Variants in MAST2 observed in about 807,000 individuals in gnomAD.
MAST2 encodes microtubule associated serine/threonine kinase 2, also known as microtubule-associated serine/threonine-protein kinase 2.
Under a neutral mutation model 147.4 loss-of-function variants are expected in MAST2, and 70 were observed. That is an observed-to-expected ratio of 0.47 (90% confidence interval 0.39 to 0.58). The LOEUF is 0.58. Ranked by LOEUF, MAST2 falls within the 20% of genes least tolerant of loss-of-function variation. MAST2 has a pLI of 0.00. For synonymous variants in MAST2, 869 were observed against 896.8 expected, an observed-to-expected ratio of 0.97 and a Z score of 0.55; for missense variants, 2,080 against 2,302.3, an observed-to-expected ratio of 0.90 and a Z score of 1.98.
At chr1:45,808,697 T>G (rs992397826) in intron 1 of MAST2, among the ~76,000 whole-genome samples, 1 of 152,234 alleles carries the variant, frequency 6.6e-6, no homozygotes, top group Admixed American at 6.5e-5. Context: ...CTTCAGTCTC[T>G]TAACCTCTAA....
At chr1:46,034,324 G>A in intron 28 of MAST2, 58 bp downstream of exon 28, 1 of 1,527,934 alleles carries the variant, frequency 6.5e-7, no homozygotes. Flanking sequence ...AAGTTCCTAG[G>A]CCCTGTGTGC....
At position 45,821,281 on chromosome 1, in the gene MAST2, A is replaced by G. The variant is rs75484718; in HGVS notation, c.178-3152A>G. ...CATCCTACTCACTTCTGGACTCCAC[A>G]GTTCTGATGAGATATGAGCTGTTCG... On this transcript the variant is annotated intron_variant, in intron 1 of 28. Coordinates refer to ENST00000361297, the MANE Select transcript of MAST2 (RefSeq NM_015112.3). Among the ~76,000 whole-genome samples, 11 of 152,196 alleles carry G rather than the reference A, an allele frequency of 7.2e-5. No homozygotes were observed. The East Asian group carries it at 2.1e-3, about 29-fold the overall frequency.
rs751340393 is a variant in MAST2 at position 46,035,869 on chromosome 1, G to A, written c.5200G>A (p.Ala1734Thr). ...GCTATGGGAGTCTGAGTGTGCACAA[G>A]CAGTGAAAGAGGATCCAGCCCTGAG... is the stretch of plus-strand genomic sequence containing the variant. ...GWLWESECAQ[A>T]VKEDPALSIT... is the part of the protein sequence containing the mutation. Residue 1734 changes from alanine (A) to threonine (T), a missense_variant, in exon 29 of 29, where the codon GCA (alanine) becomes ACA (threonine). By Grantham distance (58) the Ala-to-Thr change is moderately conservative (BLOSUM62 0). Coordinates refer to ENST00000361297, the MANE Select transcript of MAST2 (RefSeq NM_015112.3). The surrounding 1 kb of genome is among the most constrained non-coding windows in gnomAD (Gnocchi z 5.5). 91 of 1,613,996 alleles carry A rather than the reference G, an allele frequency of 5.6e-5. No individual in the cohort carries two copies. The South Asian group carries it at 9.9e-4, about 18-fold the overall frequency.
At chr1:45,898,124 C>T (rs913880819) in intron 4 of MAST2, among the ~76,000 whole-genome samples, 12 of 151,648 alleles carry the variant, frequency 7.9e-5, no homozygotes, top group African/African-American at 2.2e-4. Context: ...AACAAACAAA[C>T]GAAACCAAAA....
chr1:45,804,719 A>G (rs894128313), intron 1 of MAST2, among the ~76,000 whole-genome samples: 4 of 152,254 alleles, frequency 2.6e-5, no homozygotes, highest in African/African-American at 9.6e-5. Context: ...ACAGCAGCAT[A>G]CAAATATTCA....
At chr1:45,944,205 C>T (rs1398078620) in intron 4 of MAST2, among the ~76,000 whole-genome samples, 6 of 152,182 alleles carry the variant, frequency 3.9e-5, no homozygotes, top group Admixed American at 6.5e-5. Flanking sequence ...AATATCACTT[C>T]CTTTCTTGTA....
chr1:45,840,748 AG>A (rs1343414895), intron 3 of MAST2, among the ~76,000 whole-genome samples: 1 of 152,230 alleles, frequency 6.6e-6, no homozygotes, highest in Non-Finnish European at 1.5e-5. Flanking sequence ...GCTGAGCCTC[AG>A]TCAAGCATAG....
At chr1:45,917,606 C>A (rs1652771233) in intron 4 of MAST2, 1 of 1,115,974 alleles carries the variant, frequency 9.0e-7, no homozygotes, top group Non-Finnish European at 1.2e-6. Flanking sequence ...TACCTTACTC[C>A]TTAATAATGG....
intron 4 of MAST2, among the ~76,000 whole-genome samples, chr1:45,898,361 A>C (rs1464384710): frequency 2.0e-5 from 3 of 152,146 alleles, no homozygotes; most frequent in Admixed American, 1.3e-4. Flanking sequence ...CAATGTTTCA[A>C]TTGCCCATTC....
intron 4 of MAST2, among the ~76,000 whole-genome samples, chr1:45,953,220 G>A (rs1343370268): frequency 1.7e-5 from 2 of 118,918 alleles, no homozygotes; most frequent in Non-Finnish European, 3.7e-5. Context: ...AACCAATAGA[G>A]CAGAGGTTAA....
chr1:46,024,124 A>G, intron 15 of MAST2, 144 bp downstream of exon 15: 1 of 767,398 alleles, frequency 1.3e-6, no homozygotes. Context: ...CTGCCTCAGG[A>G]TCACAGAGAC....
rs1242544163 is a variant in MAST2 at position 45,868,937 on chromosome 1, C to T, written c.469-13427C>T. Among the ~76,000 whole-genome samples, 3 of 152,270 alleles carry T rather than the reference C, an allele frequency of 2.0e-5. No homozygotes were observed. In the East Asian group the frequency reaches 5.8e-4, roughly 29 times the overall value. On this transcript the variant is annotated intron_variant, in intron 3 of 28. Transcript: ENST00000361297. Reference sequence around the variant, plus strand: ...AAGAAACATTTCAGTTTGTACTCTTCAGTTTTTAGTACCACTAAGATATTT... The same window carrying T: ...AAGAAACATTTCAGTTTGTACTCTTTAGTTTTTAGTACCACTAAGATATTT...
intron 2 of MAST2, 150 bp from the exon 3 acceptor site, chr1:45,829,289 T>C: frequency 4.6e-6 from 3 of 650,930 alleles, no homozygotes; most frequent in Non-Finnish European, 4.8e-6. Flanking sequence ...TAATGGATAG[T>C]TGGAAATTTT....
At chr1:45,931,694 A>G (rs560201361) in intron 4 of MAST2, among the ~76,000 whole-genome samples, 31 of 151,662 alleles carry the variant, frequency 2.0e-4, no homozygotes, top group African/African-American at 6.3e-4. Flanking sequence ...GGACTTCACC[A>G]TATTGGTGAA....
chr1:45,813,190 G>GA (rs536492950), intron 1 of MAST2, among the ~76,000 whole-genome samples: 1 of 151,818 alleles, frequency 6.6e-6, no homozygotes, highest in Non-Finnish European at 1.5e-5. Flanking sequence ...ATAGTGACAA[G>GA]AAAAAAATAT....
intron 1 of MAST2, among the ~76,000 whole-genome samples, chr1:45,821,947 G>T (rs1237658690): frequency 1.5e-5 from 2 of 135,992 alleles, no homozygotes; most frequent in Admixed American, 8.1e-5. Context: ...GGAGTGCAGT[G>T]GTGTGATTTC....
intron 3 of MAST2, among the ~76,000 whole-genome samples, chr1:45,833,662 A>G (rs1045622620): frequency 2.6e-5 from 4 of 152,008 alleles, no homozygotes; most frequent in Non-Finnish European, 4.4e-5. Context: ...TTTGATATGC[A>G]TTTCTCTAGT....
At chr1:45,938,619 G>A (rs751617678) in intron 4 of MAST2, among the ~76,000 whole-genome samples, 10 of 152,150 alleles carry the variant, frequency 6.6e-5, no homozygotes, top group Admixed American at 1.3e-4. Context: ...CAGCCACTGC[G>A]CCCAAACTAT....
At chr1:45,983,552 A>G (rs1032408706) in intron 5 of MAST2, among the ~76,000 whole-genome samples, 6 of 150,526 alleles carry the variant, frequency 4.0e-5, no homozygotes, top group Non-Finnish European at 8.8e-5. Flanking sequence ...GTGCAGTGAC[A>G]TGATCGCAGC....
Sources: gnomAD v4.1 joint callset for allele counts (sites outside exome capture counted in the v4.1 genomes callset) on GRCh38, gnomAD v4.1.1 for gene constraint, Gnocchi (gnomAD v3.1) non-coding constraint, MANE v1.5 for transcripts, NCBI Gene and HGNC (gene_info 2026-07-23, HGNC 2026-07-21) for gene names.